CAB39: variants seen among roughly 807,000 people sequenced by gnomAD.
CAB39 encodes the protein calcium binding protein 39, also known as calcium-binding protein 39.
In CAB39, 8 loss-of-function variants were observed where a neutral mutation model predicts 40.0. That is an observed-to-expected ratio of 0.20 (90% confidence interval 0.12 to 0.36). The LOEUF (loss-of-function observed/expected upper bound fraction) is 0.36. Ranked by LOEUF, CAB39 falls within the 10% of genes least tolerant of loss-of-function variation. The probability of loss-of-function intolerance (pLI) is 1.00; values close to 1 mark genes in which losing one functional copy is unlikely to be tolerated. For missense variants in CAB39, 270 were observed against 401.1 expected, an observed-to-expected ratio of 0.67 and a Z score of 2.79; for synonymous variants, 156 against 141.6, an observed-to-expected ratio of 1.10 and a Z score of -0.72.
At position 230,798,738 on chromosome 2, in the gene CAB39, T is replaced by C; in HGVS notation, c.408T>C (p.Ser136=). The stretch of plus-strand genomic sequence containing the variant: ...TTTTTTGTTTTTGCAGGTATGAATC[T>C]CCAGAAATAGCTCTAAATTGTGGAA... The part of the protein sequence containing the change: ...ILFMLLKGYE[S]PEIALNCGIM... The change falls in exon 5 of 9, where the codon TCT becomes TCC. Residue 136 remains serine, a synonymous_variant. Coordinates refer to ENST00000258418, the MANE Select transcript of CAB39 (RefSeq NM_016289.4). The C allele has an allele frequency of 1.3e-6, 2 of 1,581,162 alleles. No homozygotes were observed. Among genetic ancestry groups the C allele is most frequent in the Non-Finnish European group, 1.7e-6 (2 of 1,162,334 alleles).
rs1386558764 is a variant in CAB39, at chr2:230,748,827, AAAAAATATATATATATATATATATAT to A, written c.-43-11130_-43-11105del. On this transcript the variant is annotated intron_variant, in intron 1 of 8. Coordinates refer to ENST00000258418, the MANE Select transcript of CAB39 (RefSeq NM_016289.4). ...ATTTCCAAAAAGAAAAAAAAAAAAA[AAAAAATATATATATATATATATATAT>A]ATATATATATATATAACAAAATGGT... Among the ~76,000 whole-genome samples the A allele has an allele frequency of 1.2e-4, 7 of 56,482 alleles. 1 individual carries two copies. Among genetic ancestry groups the A allele is most frequent in the East Asian group, 1.2e-3 (2 of 1,736 alleles). The allele number at this position is 56,482 out of a possible 152,430, so 37.1% of individuals were successfully genotyped here. A position where few individuals can be genotyped will look rare whatever the true frequency, so the allele number is the denominator to read the frequency against.
intron 1 of CAB39, among the ~76,000 whole-genome samples, chr2:230,719,335 C>G (rs1306150269): frequency 6.6e-6 from 1 of 152,162 alleles, no homozygotes; most frequent in Non-Finnish European, 1.5e-5. Flanking sequence ...TGCCTCACTT[C>G]AAAATATGTG....
Position 230,819,160 on chromosome 2 carries a change from A to G in CAB39, c.*456A>G, listed in dbSNP as rs1232090594. On this transcript the variant is annotated 3_prime_UTR_variant, in exon 9 of 9. Coordinates refer to ENST00000258418, the MANE Select transcript of CAB39 (RefSeq NM_016289.4). ...CCTTCGCTGAAGGAAGATGACGCAG[A>G]GCTTTATCTGAAATCAGAGGGGAGC... The G allele has an allele frequency of 6.5e-6, 1 of 152,828 alleles. No individual in the cohort carries two copies. The highest frequency in any genetic ancestry group is 2.4e-5 in the African/African-American group (1 of 41,466). The allele number at this position is 152,828 out of a possible 1,614,324, so 9.5% of individuals were successfully genotyped here.
chr2:230,757,654 A>G (rs940494955), intron 1 of CAB39, among the ~76,000 whole-genome samples: 4 of 152,188 alleles, frequency 2.6e-5, no homozygotes, highest in Non-Finnish European at 5.9e-5. Context: ...TCTCTGTTGC[A>G]TAGCACCGTA....
At chr2:230,748,831 A>AAAATATATATATATAT (rs1386799920) in intron 1 of CAB39, among the ~76,000 whole-genome samples, 24 of 28,486 alleles carry the variant, frequency 8.4e-4, no homozygotes, top group East Asian at 1.5e-3. Context: ...AAAAAAAAAA[A>AAAATATATATATATAT]ATATATATAT....
intron 2 of CAB39, among the ~76,000 whole-genome samples, chr2:230,772,290 G>A (rs1483840237): frequency 2.0e-5 from 3 of 152,188 alleles, no homozygotes; most frequent in African/African-American, 7.2e-5. Context: ...ATAGGCAGAT[G>A]TCAAATAAGC....
chr2:230,725,910 G>C (rs777590764), intron 1 of CAB39, among the ~76,000 whole-genome samples: 11 of 152,154 alleles, frequency 7.2e-5, no homozygotes, highest in Non-Finnish European at 1.2e-4. Context: ...TCATCAGACT[G>C]CACTTGATGT....
intron 4 of CAB39, among the ~76,000 whole-genome samples, chr2:230,795,321 G>T (rs1467409748): frequency 2.0e-5 from 3 of 151,572 alleles, no homozygotes; most frequent in Non-Finnish European, 4.4e-5. Flanking sequence ...ACTGAATTTG[G>T]TTAATACTCT....
chr2:230,737,782 A>C (rs935774623), intron 1 of CAB39, among the ~76,000 whole-genome samples: 1 of 152,234 alleles, frequency 6.6e-6, no homozygotes, highest in African/African-American at 2.4e-5. Flanking sequence ...CCTTGGATAT[A>C]AGATGCTTTT....
At chr2:230,816,150 G>A (rs1025128055) in intron 7 of CAB39, among the ~76,000 whole-genome samples, 4 of 152,226 alleles carry the variant, frequency 2.6e-5, no homozygotes, top group Non-Finnish European at 5.9e-5. Flanking sequence ...GCACAAGCCT[G>A]TAGTCCCAGC....
At chr2:230,791,178 C>A in intron 3 of CAB39, 142 bp downstream of exon 3, 1 of 607,052 alleles carries the variant, frequency 1.6e-6, no homozygotes. Flanking sequence ...GCCTGGGCTG[C>A]CTGCCTGATT....
intron 7 of CAB39, 53 bp from the exon 8 acceptor site, chr2:230,817,701 T>C: frequency 7.0e-7 from 1 of 1,426,612 alleles, no homozygotes; most frequent in Non-Finnish European, 9.6e-7. Flanking sequence ...TTTTTAAACT[T>C]TGATTTTTCT....
chr2:230,783,442 A>AGTTTT (rs57684093), intron 2 of CAB39, among the ~76,000 whole-genome samples: 37,593 of 148,778 alleles, frequency 0.25, 5,038 homozygotes, highest in East Asian at 0.41. Flanking sequence ...GTTCTTGTCT[A>AGTTTT]GTTTTGTTTT....
At chr2:230,737,483 C>G (rs1161051056) in intron 1 of CAB39, among the ~76,000 whole-genome samples, 1 of 152,128 alleles carries the variant, frequency 6.6e-6, no homozygotes, top group Non-Finnish European at 1.5e-5. Context: ...AACAATAACC[C>G]CAGCATTTGG....
At chr2:230,731,958 T>C (rs1694698766) in intron 1 of CAB39, among the ~76,000 whole-genome samples, 1 of 152,210 alleles carries the variant, frequency 6.6e-6, no homozygotes, top group African/African-American at 2.4e-5. Context: ...CTGCACTGAT[T>C]TTATTGGTAC....
chr2:230,715,562 A>G (rs1694333679), intron 1 of CAB39, among the ~76,000 whole-genome samples: 1 of 152,180 alleles, frequency 6.6e-6, no homozygotes, highest in South Asian at 2.1e-4. Flanking sequence ...CGCTCCTGAA[A>G]AATAGTCTCT....
intron 1 of CAB39, among the ~76,000 whole-genome samples, chr2:230,718,688 G>A (rs1694395279): frequency 6.6e-6 from 1 of 152,150 alleles, no homozygotes; most frequent in African/African-American, 2.4e-5. Flanking sequence ...TAAGTTTTGT[G>A]ATGCTCATGA....
intron 2 of CAB39, among the ~76,000 whole-genome samples, chr2:230,773,314 A>ATATATATATGTG (rs371297550): frequency 9.8e-5 from 13 of 132,632 alleles, no homozygotes; most frequent in African/African-American, 3.7e-4. Flanking sequence ...ATATATATAT[A>ATATATATATGTG]TGTGTGTGTG....
chr2:230,724,840 A>G (rs1357101217), intron 1 of CAB39, among the ~76,000 whole-genome samples: 1 of 151,668 alleles, frequency 6.6e-6, no homozygotes, highest in African/African-American at 2.4e-5. Flanking sequence ...AAAGGAGCCA[A>G]ATGGTATCAA....
Sources: allele counts gnomAD v4.1 joint callset (sites outside exome capture counted in the v4.1 genomes callset), GRCh38; gene constraint gnomAD v4.1.1; transcripts MANE v1.5; gene names NCBI Gene and HGNC (gene_info 2026-07-23, HGNC 2026-07-21).